Variants in VPS13B observed in about 807,000 individuals in gnomAD.
VPS13B encodes the protein intermembrane lipid transfer protein VPS13B.
A neutral mutation model predicts 426.4 loss-of-function variants in VPS13B; 285 were observed. The ratio of observed to expected loss-of-function variants is 0.67; its 90% CI spans 0.61 to 0.74. VPS13B has a LOEUF of 0.74. VPS13B is among the 30% of genes least tolerant of loss of function. VPS13B has a pLI of 0.00. For missense variants in VPS13B, 4,537 were observed against 4,782.6 expected (o/e 0.95, Z 1.51); for synonymous variants, 1,676 against 1,676.4 (o/e 1.00, Z 0.01).
At chr8:99,629,929 T>A (rs1416362879) in intron 33 of VPS13B, among the ~76,000 whole-genome samples, 1 of 152,198 alleles carries the variant, frequency 6.6e-6, no homozygotes, top group Non-Finnish European at 1.5e-5. Flanking sequence ...CGCATTAATT[T>A]TTCTCAAACA....
intron 17 of VPS13B, among the ~76,000 whole-genome samples, chr8:99,220,071 C>CA (rs1352088477): frequency 2.0e-5 from 3 of 151,990 alleles, no homozygotes; most frequent in Non-Finnish European, 4.4e-5. Flanking sequence ...TTTTTAGTGA[C>CA]AAAAAAGTGT....
At chr8:99,418,506 T>G (rs541435062) in intron 21 of VPS13B, among the ~76,000 whole-genome samples, 226 of 139,642 alleles carry the variant, frequency 1.6e-3, no homozygotes, top group African/African-American at 5.5e-3. Flanking sequence ...TTTCTTTCTT[T>G]CTTTCTTTCC....
At chr8:99,333,082 A>G (rs1810630813) in intron 19 of VPS13B, among the ~76,000 whole-genome samples, 5 of 151,732 alleles carry the variant, frequency 3.3e-5, no homozygotes. Context: ...TTTAAATAGT[A>G]TTAGGTTACT....
Position 99,696,680 on chromosome 8 carries a change from G to A in VPS13B, c.6047-2845G>A, listed in dbSNP as rs1381354018. 3 of 764,804 alleles carry A rather than the reference G, an allele frequency of 3.9e-6. No homozygotes were observed. In the Admixed American group the frequency reaches 5.2e-5, roughly 13 times the overall value. 47.4% of individuals were successfully genotyped at this position (764,804 alleles called of 1,614,324 possible). A position where few individuals can be genotyped will look rare whatever the true frequency, so the allele number is the denominator to read the frequency against. On this transcript the variant is annotated intron_variant, in intron 35 of 61. Transcript: ENST00000357162. Reference sequence around the variant, plus strand: ...ACACCATCGAGGAGAGGACCTTGAAGAACATAGCAGCCAAGGGCAGTGCCA... The same window carrying A: ...ACACCATCGAGGAGAGGACCTTGAAAAACATAGCAGCCAAGGGCAGTGCCA...
chr8:99,272,082 AC>A (rs1402046496), intron 17 of VPS13B, among the ~76,000 whole-genome samples: 11 of 152,176 alleles, frequency 7.2e-5, no homozygotes, highest in African/African-American at 2.7e-4. Flanking sequence ...CTTCTTGAAT[AC>A]CCTAGAGTTT....
chr8:99,290,619 C>T lies in VPS13B; in HGVS notation c.2824+15365C>T, dbSNP rs966875675. Among the ~76,000 whole-genome samples the T allele has an allele frequency of 4.0e-5, 6 of 148,246 alleles. No individual in the cohort carries two copies. The South Asian group carries it at 8.5e-4, about 21-fold the overall frequency. On this transcript the variant is annotated intron_variant, in intron 19 of 61. Transcript: ENST00000357162. The stretch of plus-strand genomic sequence containing the variant: ...TGTATACATATGTAACAAACCTGCA[C>T]GTTGTACACATGTACCCTAGAACTT...
intron 25 of VPS13B, among the ~76,000 whole-genome samples, chr8:99,497,423 T>C (rs1014798298): frequency 2.0e-5 from 3 of 149,316 alleles, no homozygotes; most frequent in Non-Finnish European, 4.4e-5. Context: ...TTATTACAAA[T>C]ATTTACTCTA....
At chr8:99,126,812 C>T (rs982864508) in intron 8 of VPS13B, among the ~76,000 whole-genome samples, 1 of 152,088 alleles carries the variant, frequency 6.6e-6, no homozygotes, top group African/African-American at 2.4e-5. Flanking sequence ...AAAATGTTAT[C>T]GCTGGGCACA....
intron 27 of VPS13B, 83 bp downstream of exon 27, chr8:99,503,033 G>T: frequency 9.2e-7 from 1 of 1,083,144 alleles, no homozygotes; most frequent in Non-Finnish European, 1.4e-6. Context: ...TTTTAATTTG[G>T]CTGGTTATTA....
chr8:99,202,742 A>C (rs947745870), intron 17 of VPS13B, among the ~76,000 whole-genome samples: 4 of 151,004 alleles, frequency 2.6e-5, no homozygotes, highest in African/African-American at 9.7e-5. Context: ...GAGACACAAC[A>C]AAAAAAAATG....
intron 54 of VPS13B, among the ~76,000 whole-genome samples, chr8:99,839,071 G>A (rs1321539775): frequency 6.6e-6 from 1 of 152,210 alleles, no homozygotes; most frequent in Admixed American, 6.5e-5. Context: ...TCATTGCATT[G>A]TTTATGAAAA....
chr8:99,595,438 A>G (rs941818705), intron 33 of VPS13B, among the ~76,000 whole-genome samples: 6 of 151,924 alleles, frequency 3.9e-5, no homozygotes, highest in Non-Finnish European at 8.8e-5. Context: ...AAAAGAATGA[A>G]GGAAAATGCC....
At chr8:99,113,710 G>T (rs1377666061) in intron 6 of VPS13B, among the ~76,000 whole-genome samples, 1 of 151,994 alleles carries the variant, frequency 6.6e-6, no homozygotes, top group African/African-American at 2.4e-5. Context: ...GATTACAGGC[G>T]CCGGCCACCA....
At chr8:99,071,015 T>C (rs946179400) in intron 3 of VPS13B, among the ~76,000 whole-genome samples, 1 of 152,158 alleles carries the variant, frequency 6.6e-6, no homozygotes, top group Non-Finnish European at 1.5e-5. Context: ...TTGAAGTTCG[T>C]TGAGCTTAAA....
chr8:99,640,053 A>AGAAGAAGAAG (rs1364476294), intron 33 of VPS13B, among the ~76,000 whole-genome samples: 20 of 48,776 alleles, frequency 4.1e-4, no homozygotes, highest in African/African-American at 1.6e-3. Context: ...GAAGAAGAGA[A>AGAAGAAGAAG]AAGAAAAGAA....
rs781485612 is a variant in VPS13B at position 99,854,234 on chromosome 8, C to G, written c.10845C>G (p.Ala3615=). 1 of 1,613,778 alleles carries G rather than the reference C, an allele frequency of 6.2e-7. No individual in the cohort carries two copies. Among genetic ancestry groups the G allele is most frequent in the Non-Finnish European group, 8.5e-7 (1 of 1,180,004 alleles). Reference sequence around the variant, plus strand: ...TGCACGCCCTGGCAATGCACTATGCCGCTGGGGCCCTTTTTAGAGCAGGTA... The same window carrying G: ...TGCACGCCCTGGCAATGCACTATGCGGCTGGGGCCCTTTTTAGAGCAGGTA... ...QLVHALAMHY[A]AGALFRAGWV... Residue 3615 remains alanine, a synonymous_variant, in exon 56 of 62, where the codon GCC becomes GCG. Transcript: ENST00000357162.
intron 36 of VPS13B, among the ~76,000 whole-genome samples, chr8:99,706,045 G>C (rs537973137): frequency 6.6e-6 from 1 of 151,948 alleles, no homozygotes; most frequent in Admixed American, 6.6e-5. Flanking sequence ...ACCTGAACTC[G>C]ATTTGAACCT....
intron 2 of VPS13B, among the ~76,000 whole-genome samples, chr8:99,028,981 C>G (rs564159038): frequency 7.7e-4 from 114 of 147,634 alleles, no homozygotes; most frequent in Admixed American, 1.3e-3. Flanking sequence ...ACTTCTCAGA[C>G]GGGGCGGCTG....
chr8:99,469,194 G>C (rs1053276015), intron 24 of VPS13B, among the ~76,000 whole-genome samples: 2 of 141,174 alleles, frequency 1.4e-5, no homozygotes, highest in Non-Finnish European at 3.0e-5. Flanking sequence ...TTTTGACACA[G>C]GGTCTTACTT....
Sources: allele counts gnomAD v4.1 joint callset (sites outside exome capture counted in the v4.1 genomes callset), GRCh38; gene constraint gnomAD v4.1.1; transcripts MANE v1.5; gene names NCBI Gene and HGNC (gene_info 2026-07-23, HGNC 2026-07-21).